The following CAMK2D variants were observed in gnomAD, a reference collection of about 807,000 sequenced individuals.
The protein encoded by CAMK2D is calcium/calmodulin dependent protein kinase II delta, also known as calcium/calmodulin-dependent protein kinase type II subunit delta.
A neutral mutation model predicts 84.0 loss-of-function variants in CAMK2D; 37 were observed. The ratio of observed to expected loss-of-function variants is 0.44; its 90% confidence interval spans 0.34 to 0.58. The LOEUF (loss-of-function observed/expected upper bound fraction) is 0.58, where lower values mean the gene tolerates loss of function less well. Among genes scored for constraint, CAMK2D ranks in the 20% least tolerant of loss-of-function variants. The probability of loss-of-function intolerance (pLI) is 0.02; values close to 1 mark genes in which losing one functional copy is unlikely to be tolerated. For synonymous variants in CAMK2D, 202 were observed against 212.5 expected (o/e 0.95, Z 0.43); for missense variants, 448 against 652.5 (o/e 0.69, Z 3.41).
At chr4:113,494,861 C>A (rs528688599) in intron 16 of CAMK2D, among the ~76,000 whole-genome samples, 2 of 152,174 alleles carry the variant, frequency 1.3e-5, no homozygotes, top group African/African-American at 4.8e-5. Context: ...TTTTTAAGCC[C>A]GTCGGAAAAG....
chr4:113,665,332 G>A (rs914801936), intron 2 of CAMK2D, among the ~76,000 whole-genome samples: 1 of 152,176 alleles, frequency 6.6e-6, no homozygotes, highest in Non-Finnish European at 1.5e-5. Context: ...CACCTGGTAT[G>A]TTTCACATTT....
intron 2 of CAMK2D, among the ~76,000 whole-genome samples, chr4:113,710,276 T>G (rs1451871246): frequency 6.6e-6 from 1 of 152,076 alleles, no homozygotes; most frequent in Non-Finnish European, 1.5e-5. Flanking sequence ...AAAGGACAAT[T>G]GTGTAATTTA....
intron 16 of CAMK2D, among the ~76,000 whole-genome samples, chr4:113,482,630 CTT>C (rs1049555219): frequency 3.3e-5 from 5 of 152,186 alleles, no homozygotes; most frequent in African/African-American, 1.2e-4. Flanking sequence ...TAATCTATAA[CTT>C]ATATTAAATA....
At position 113,761,292 on chromosome 4, in the gene CAMK2D, C is replaced by T. The variant is rs1415143784; in HGVS notation, c.-224G>A. 2 of 1,426,014 alleles carry T rather than the reference C, an allele frequency of 1.4e-6. No individual in the cohort carries two copies. Among genetic ancestry groups the T allele is most frequent in the African/African-American group, 2.9e-5 (2 of 69,488 alleles). 88.3% of individuals were successfully genotyped at this position (1,426,014 alleles called of 1,614,324 possible). A position where few individuals can be genotyped will look rare whatever the true frequency, so the allele number is the denominator to read the frequency against. On this transcript the variant is annotated 5_prime_UTR_variant, in exon 1 of 21. Transcript: ENST00000511664. ...CTCCTCCCCACAGTCCGCCGATCCT[C>T]CTCCTCCTGCGGGCCTCGCTTCCTT...
intron 2 of CAMK2D, among the ~76,000 whole-genome samples, chr4:113,692,715 T>C (rs2099391517): frequency 6.6e-6 from 1 of 152,044 alleles, no homozygotes; most frequent in African/African-American, 2.4e-5. Context: ...CATATTCATA[T>C]ATACATACAT....
At chr4:113,717,844 A>G (rs567154610) in intron 2 of CAMK2D, among the ~76,000 whole-genome samples, 1 of 152,292 alleles carries the variant, frequency 6.6e-6, no homozygotes, top group Admixed American at 6.5e-5. Context: ...CCTCAATTAT[A>G]ATATAGACCT....
intron 4 of CAMK2D, among the ~76,000 whole-genome samples, chr4:113,594,864 G>C (rs916318613): frequency 2.0e-5 from 3 of 152,126 alleles, no homozygotes; most frequent in East Asian, 1.9e-4. Context: ...AGAAGAAAGA[G>C]AGAAAGAAAT....
At chr4:113,507,174 G>A (rs933696156) in intron 13 of CAMK2D, among the ~76,000 whole-genome samples, 5 of 151,778 alleles carry the variant, frequency 3.3e-5, no homozygotes, top group African/African-American at 1.2e-4. Context: ...AAAAATAATA[G>A]GATAATTTCT....
intron 2 of CAMK2D, among the ~76,000 whole-genome samples, chr4:113,729,924 A>C (rs1031785283): frequency 6.6e-6 from 1 of 152,198 alleles, no homozygotes; most frequent in Non-Finnish European, 1.5e-5. Flanking sequence ...TGGACTTTCC[A>C]GCCTCTAGAA....
intron 6 of CAMK2D, among the ~76,000 whole-genome samples, chr4:113,544,065 T>C (rs1355265506): frequency 6.6e-6 from 1 of 152,142 alleles, no homozygotes; most frequent in Non-Finnish European, 1.5e-5. Flanking sequence ...CTAATTGTCT[T>C]CATGTGGCAA....
At chr4:113,585,351 C>T (rs1479643717) in intron 4 of CAMK2D, among the ~76,000 whole-genome samples, 3 of 152,130 alleles carry the variant, frequency 2.0e-5, no homozygotes, top group East Asian at 3.8e-4. Flanking sequence ...CCCTAGACTT[C>T]ACTCGTTGTC....
At chr4:113,623,738 CTGTGTG>C (rs3064581) in intron 3 of CAMK2D, among the ~76,000 whole-genome samples, 11 of 148,956 alleles carry the variant, frequency 7.4e-5, no homozygotes, top group African/African-American at 2.2e-4. Flanking sequence ...TATGCAGTGA[CTGTGTG>C]TGTGTGTGTG....
chr4:113,758,792 C>T (rs2099634399), intron 2 of CAMK2D, among the ~76,000 whole-genome samples: 1 of 152,132 alleles, frequency 6.6e-6, no homozygotes, highest in Admixed American at 6.5e-5. Context: ...GAGCTGCACA[C>T]AGAAACATCA....
intron 8 of CAMK2D, among the ~76,000 whole-genome samples, chr4:113,522,281 A>T (rs2098370634): frequency 6.6e-6 from 1 of 152,236 alleles, no homozygotes; most frequent in Non-Finnish European, 1.5e-5. Flanking sequence ...ACAGTTACTG[A>T]ATATTCTAAG....
chr4:113,685,792 G>A (rs75358352), intron 2 of CAMK2D, among the ~76,000 whole-genome samples: 17,146 of 151,984 alleles, frequency 0.11, 1,547 homozygotes, highest in East Asian at 0.49. Context: ...GGCCAGGCAC[G>A]GTGGCTCATG....
chr4:113,634,720 G>A (rs1181394524), intron 3 of CAMK2D, among the ~76,000 whole-genome samples: 1 of 152,128 alleles, frequency 6.6e-6, no homozygotes, highest in Non-Finnish European at 1.5e-5. Flanking sequence ...CATTGATTCT[G>A]TGCCAGGAGA....
chr4:113,725,763 C>A (rs1267404966), intron 2 of CAMK2D, among the ~76,000 whole-genome samples: 1 of 152,036 alleles, frequency 6.6e-6, no homozygotes, highest in Non-Finnish European at 1.5e-5. Context: ...TACTGAGTTT[C>A]ATTCTTCTAA....
chr4:113,721,749 C>A (rs116038972), intron 2 of CAMK2D, among the ~76,000 whole-genome samples: 7 of 152,242 alleles, frequency 4.6e-5, no homozygotes, highest in African/African-American at 1.7e-4. Flanking sequence ...GGCTTCTAAT[C>A]CCAGCAGAGA....
intron 3 of CAMK2D, among the ~76,000 whole-genome samples, chr4:113,624,870 A>G (rs2099061159): frequency 6.6e-6 from 1 of 152,250 alleles, no homozygotes; most frequent in Non-Finnish European, 1.5e-5. Flanking sequence ...AATAGGCACC[A>G]TAAGAATTGC....
Sources: allele counts gnomAD v4.1 joint callset (sites outside exome capture counted in the v4.1 genomes callset), GRCh38; gene constraint gnomAD v4.1.1; transcripts MANE v1.5; gene names NCBI Gene and HGNC (gene_info 2026-07-23, HGNC 2026-07-21).